Variants in JPT1 observed in about 807,000 individuals in gnomAD.
JPT1 encodes the protein androgen-regulated protein 2.
JPT1 carries 5 observed loss-of-function variants against 17.0 expected under a neutral mutation model. That is an observed-to-expected ratio of 0.29 (90% CI 0.15 to 0.62). JPT1 has a LOEUF of 0.62. JPT1 is among the 20% of genes least tolerant of loss of function. JPT1 has a pLI of 0.85. For missense variants in JPT1, 158 were observed against 188.1 expected (o/e 0.84, Z 0.94); for synonymous variants, 71 against 73.6 (o/e 0.96, Z 0.18).
intron 4 of JPT1, among the ~76,000 whole-genome samples, chr17:75,138,929 T>C (rs866664077): frequency 6.6e-6 from 1 of 152,192 alleles, no homozygotes; most frequent in Non-Finnish European, 1.5e-5. Flanking sequence ...AAATGTTCTA[T>C]ACTATTTAAC....
intron 1 of JPT1, among the ~76,000 whole-genome samples, chr17:75,150,500 G>A (rs562611777): frequency 3.9e-5 from 6 of 152,160 alleles, no homozygotes; most frequent in South Asian, 4.2e-4. Context: ...TGATCCACCC[G>A]CCTGGCCTCC....
intron 3 of JPT1, 93 bp from the exon 4 acceptor site, chr17:75,146,777 A>T (rs975341749): frequency 1.3e-6 from 1 of 770,978 alleles, no homozygotes; most frequent in African/African-American, 1.7e-5. Context: ...ATCTACTTGA[A>T]ACCGAATGTG....
At chr17:75,144,653 C>T (rs995653125) in intron 4 of JPT1, among the ~76,000 whole-genome samples, 1 of 152,140 alleles carries the variant, frequency 6.6e-6, no homozygotes, top group East Asian at 1.9e-4. Flanking sequence ...TGAAGCCAGT[C>T]GGTCAGAAGT....
chr17:75,142,714 A>G (rs1462519564), intron 4 of JPT1: 1 of 452,322 alleles, frequency 2.2e-6, no homozygotes, highest in Admixed American at 2.4e-5. Flanking sequence ...AAGGGAGAGG[A>G]GGGAAGAAGG....
chr17:75,152,981 C>T (rs755030824), intron 1 of JPT1: 2 of 152,110 alleles, frequency 1.3e-5, no homozygotes, highest in Non-Finnish European at 2.9e-5. Flanking sequence ...CCTCCTAAGG[C>T]TCAATTGCTG....
At chr17:75,147,806 C>A in intron 2 of JPT1, 153 bp from the exon 3 acceptor site, 1 of 597,946 alleles carries the variant, frequency 1.7e-6, no homozygotes, top group South Asian at 1.9e-5. Flanking sequence ...CAAGACCAGC[C>A]TGGCCAACAT....
chr17:75,138,048 C>T (rs1008296688), intron 4 of JPT1, among the ~76,000 whole-genome samples: 1 of 152,098 alleles, frequency 6.6e-6, no homozygotes, highest in African/African-American at 2.4e-5. Flanking sequence ...CCTGTGCCTC[C>T]CGGGTTCAAG....
At chr17:75,138,809 G>C (rs961622856) in intron 4 of JPT1, among the ~76,000 whole-genome samples, 1 of 152,112 alleles carries the variant, frequency 6.6e-6, no homozygotes, top group African/African-American at 2.4e-5. Context: ...ATTTCTCATT[G>C]GACAGACATT....
At chr17:75,148,813 GAA>G in intron 1 of JPT1, 142 bp from the exon 2 acceptor site, 1 of 1,022,492 alleles carries the variant, frequency 9.8e-7, no homozygotes, top group Non-Finnish European at 1.4e-6. Flanking sequence ...CAGGAAAAAA[GAA>G]TCAACTCCAT....
intron 1 of JPT1, chr17:75,149,157 C>G (rs1167082546): frequency 1.5e-6 from 1 of 648,962 alleles, no homozygotes; most frequent in South Asian, 1.5e-5. Context: ...TCAAGACCAG[C>G]CTGGGCAACA....
chr17:75,142,864 A>G lies in JPT1; in HGVS notation c.316+3802T>C, dbSNP rs192582606. The G allele has an allele frequency of 2.7e-5, 12 of 443,394 alleles. No individual in the cohort carries two copies. In the Admixed American group the frequency reaches 2.9e-4, roughly 11 times the overall value. The allele number at this position is 443,394 out of a possible 1,614,324, so 27.5% of individuals were successfully genotyped here. ...AAGTAACTGGTCCTGTGATATTATG[A>G]TATACATACGTATATGAAAATACAC... On this transcript the variant is annotated intron_variant, in intron 4 of 4. Transcript: ENST00000409753.
intron 4 of JPT1, among the ~76,000 whole-genome samples, chr17:75,139,268 T>C (rs1289525335): frequency 6.6e-6 from 1 of 152,176 alleles, no homozygotes; most frequent in Non-Finnish European, 1.5e-5. Flanking sequence ...TCTACTGAAG[T>C]CTTCATTCTC....
At chr17:75,138,004 T>C (rs373861301) in intron 4 of JPT1, among the ~76,000 whole-genome samples, 15 of 151,546 alleles carry the variant, frequency 9.9e-5, no homozygotes, top group African/African-American at 3.6e-4. Flanking sequence ...TTGTCCAGGC[T>C]AGAGTGCAAC....
chr17:75,150,847 C>CTTTTTTT (rs59267123), intron 1 of JPT1, among the ~76,000 whole-genome samples: 2 of 65,958 alleles, frequency 3.0e-5, no homozygotes, highest in African/African-American at 8.7e-5. Context: ...ATTTTTCTTT[C>CTTTTTTT]TTTTTTTTTT....
intron 4 of JPT1, among the ~76,000 whole-genome samples, chr17:75,141,675 A>ACAGGTAACCAGAT (rs1355552097): frequency 1.3e-5 from 2 of 150,834 alleles, no homozygotes; most frequent in Non-Finnish European, 3.0e-5. Flanking sequence ...AAAAACAACA[A>ACAGGTAACCAGAT]CAGGTAACCA....
intron 1 of JPT1, chr17:75,153,950 G>A (rs1472848741): frequency 1.3e-5 from 2 of 156,558 alleles, no homozygotes; most frequent in African/African-American, 4.8e-5. Context: ...CCATGCATGG[G>A]GCCCTAAAGG....
intron 3 of JPT1, among the ~76,000 whole-genome samples, chr17:75,147,331 G>A (rs2074459447): frequency 6.6e-6 from 1 of 152,162 alleles, no homozygotes; most frequent in Non-Finnish European, 1.5e-5. Flanking sequence ...AAAATCAATA[G>A]GGGAGATAAA....
intron 4 of JPT1, among the ~76,000 whole-genome samples, chr17:75,139,602 C>A (rs1291323196): frequency 6.6e-6 from 1 of 152,108 alleles, no homozygotes; most frequent in East Asian, 1.9e-4. Flanking sequence ...AGCTGAATAA[C>A]CTGAGGTCAG....
chr17:75,146,843 C>G (rs964200872), intron 3 of JPT1, 159 bp from the exon 4 acceptor site: 3 of 582,342 alleles, frequency 5.2e-6, no homozygotes. Flanking sequence ...CTATCCAACT[C>G]AGGACAATGC....
Sources: allele counts gnomAD v4.1 joint callset (sites outside exome capture counted in the v4.1 genomes callset), GRCh38; gene constraint gnomAD v4.1.1; transcripts MANE v1.5; gene names NCBI Gene and HGNC (gene_info 2026-07-23, HGNC 2026-07-21).